CDK14: variants seen among roughly 807,000 people sequenced by gnomAD.
The protein encoded by CDK14 is cyclin dependent kinase 14, also known as cyclin-dependent kinase 14.
CDK14 carries 34 observed loss-of-function variants against 60.7 expected under a neutral mutation model. The observed-to-expected ratio is 0.56, with a 90% CI of 0.43 to 0.75. CDK14 has a LOEUF of 0.75. Among genes scored for constraint, CDK14 ranks in the 30% least tolerant of loss-of-function variants. The pLI is 0.00. For missense variants in CDK14, 482 were observed against 564.1 expected (o/e 0.85, Z 1.47); for synonymous variants, 197 against 203.7 (o/e 0.97, Z 0.28).
At chr7:91,103,336 C>A (rs1799196221) in intron 12 of CDK14, among the ~76,000 whole-genome samples, 1 of 151,990 alleles carries the variant, frequency 6.6e-6, no homozygotes, top group African/African-American at 2.4e-5. Flanking sequence ...CTTTTTTGCA[C>A]CACCATTTTT....
intron 3 of CDK14, among the ~76,000 whole-genome samples, chr7:90,734,262 T>C (rs565819421): frequency 1.5e-4 from 23 of 152,306 alleles, no homozygotes; most frequent in Admixed American, 6.5e-4. Flanking sequence ...CATTTCAGCC[T>C]TGGTGACTCT....
chr7:91,169,051 G>A (rs78311419), intron 14 of CDK14, among the ~76,000 whole-genome samples: 8 of 152,228 alleles, frequency 5.3e-5, no homozygotes, highest in African/African-American at 1.7e-4. Flanking sequence ...CCTACTCTTC[G>A]TTCATCTTGT....
intron 2 of CDK14, among the ~76,000 whole-genome samples, chr7:90,706,323 A>G (rs1234233063): frequency 1.3e-5 from 2 of 151,954 alleles, no homozygotes; most frequent in Admixed American, 6.6e-5. Context: ...GCTTGTTGAG[A>G]CTATTATTTT....
chr7:90,666,694 T>TAGGA (rs1800986235), intron 2 of CDK14, among the ~76,000 whole-genome samples: 1 of 152,202 alleles, frequency 6.6e-6, no homozygotes, highest in African/African-American at 2.4e-5. Context: ...GGCGGTATCT[T>TAGGA]AGGAAGGAAG....
chr7:90,659,700 A>G (rs1034764867), intron 2 of CDK14, among the ~76,000 whole-genome samples: 64 of 152,316 alleles, frequency 4.2e-4, no homozygotes, highest in African/African-American at 1.5e-3. Flanking sequence ...AGCTTATACA[A>G]ATAATGATAT....
chr7:90,820,409 A>G lies in CDK14; in HGVS notation c.544+29757A>G, dbSNP rs114399305. 9.9e-3 allele frequency among the ~76,000 whole-genome samples: 1,506 copies of G among 152,212 alleles called. 22 individuals are homozygous for G. The highest frequency in any genetic ancestry group is 0.033 in the African/African-American group (1,383 of 41,536). The stretch of plus-strand genomic sequence containing the variant: ...GAGGGGCCTGGTGGGAGATGATTGG[A>G]TCATGGGGTGGATTTCTCCCTTGCT... On this transcript the variant is annotated intron_variant, in intron 5 of 14. Transcript: ENST00000380050.
intron 11 of CDK14, among the ~76,000 whole-genome samples, chr7:91,060,683 T>C (rs1215873779): frequency 6.6e-6 from 1 of 152,212 alleles, no homozygotes; most frequent in African/African-American, 2.4e-5. Context: ...GGATATGAAA[T>C]TCTGGTTTGA....
At chr7:91,143,216 GAAGCTGGAC>G (rs1800518826) in intron 14 of CDK14, among the ~76,000 whole-genome samples, 2 of 152,178 alleles carry the variant, frequency 1.3e-5, no homozygotes, top group South Asian at 4.1e-4. Flanking sequence ...GGATATGTTT[GAAGCTGGAC>G]AAGAAATGTA....
chr7:90,654,067 T>C (rs902623665), intron 2 of CDK14, among the ~76,000 whole-genome samples: 45 of 152,336 alleles, frequency 3.0e-4, no homozygotes, highest in African/African-American at 9.9e-4. Flanking sequence ...CAGTCTGTCA[T>C]TGTTGGACAT....
At chr7:91,184,502 A>G (rs559519893) in intron 14 of CDK14, among the ~76,000 whole-genome samples, 1 of 152,354 alleles carries the variant, frequency 6.6e-6, no homozygotes, top group South Asian at 2.1e-4. Context: ...AAAGGGGACC[A>G]AGGCCCAAAT....
intron 5 of CDK14, among the ~76,000 whole-genome samples, chr7:90,811,053 A>G (rs1469692295): frequency 6.6e-6 from 1 of 152,230 alleles, no homozygotes; most frequent in Non-Finnish European, 1.5e-5. Context: ...AAGGTAATTT[A>G]TAGATTCAGT....
intron 4 of CDK14, among the ~76,000 whole-genome samples, chr7:90,789,771 T>C (rs1393995123): frequency 2.0e-5 from 3 of 152,056 alleles, no homozygotes; most frequent in Non-Finnish European, 4.4e-5. Flanking sequence ...ACAAACCAAA[T>C]AAAGTATGGT....
At chr7:90,707,459 C>T (rs1015896486) in intron 2 of CDK14, among the ~76,000 whole-genome samples, 3 of 152,182 alleles carry the variant, frequency 2.0e-5, no homozygotes, top group South Asian at 2.1e-4. Flanking sequence ...CTTCCTTCAC[C>T]TCTCCAATCC....
intron 10 of CDK14, among the ~76,000 whole-genome samples, chr7:90,988,008 G>A (rs1461942878): frequency 6.6e-6 from 1 of 152,128 alleles, no homozygotes; most frequent in East Asian, 1.9e-4. Context: ...TAATAACTTT[G>A]AAGCACAAAA....
intron 2 of CDK14, among the ~76,000 whole-genome samples, chr7:90,686,743 A>C (rs1438810476): frequency 1.3e-5 from 2 of 152,188 alleles, no homozygotes; most frequent in Non-Finnish European, 2.9e-5. Context: ...ATTGGCGGAA[A>C]GTGGTTAAGT....
At chr7:90,924,691 T>A (rs1412089347) in intron 8 of CDK14, among the ~76,000 whole-genome samples, 1 of 152,210 alleles carries the variant, frequency 6.6e-6, no homozygotes, top group African/African-American at 2.4e-5. Flanking sequence ...ATGCTGTAAA[T>A]TCTGGTTAGA....
chr7:90,900,314 A>G (rs936317191), intron 7 of CDK14, among the ~76,000 whole-genome samples: 1 of 152,052 alleles, frequency 6.6e-6, no homozygotes, highest in Non-Finnish European at 1.5e-5. Flanking sequence ...ATTTTTTCAT[A>G]TGTCTTCTTT....
At chr7:91,022,489 T>A (rs961695421) in intron 10 of CDK14, among the ~76,000 whole-genome samples, 3 of 152,228 alleles carry the variant, frequency 2.0e-5, no homozygotes, top group African/African-American at 7.2e-5. Flanking sequence ...TTATTTCTCA[T>A]GCATTTTTTA....
intron 2 of CDK14, among the ~76,000 whole-genome samples, chr7:90,626,731 G>T (rs1799883921): frequency 6.6e-6 from 1 of 152,162 alleles, no homozygotes; most frequent in Admixed American, 6.5e-5. Context: ...CTTGAGCCCA[G>T]GAGTTGGAGA....
Sources: gnomAD v4.1 joint callset for allele counts (sites outside exome capture counted in the v4.1 genomes callset) on GRCh38, gnomAD v4.1.1 for gene constraint, MANE v1.5 for transcripts, NCBI Gene and HGNC (gene_info 2026-07-23, HGNC 2026-07-21) for gene names.